The following EXT1 variants were observed in gnomAD, a reference collection of about 807,000 sequenced individuals.
EXT1 encodes the protein exostosin-1.
A neutral mutation model predicts 82.5 loss-of-function variants in EXT1; 20 were observed. The observed-to-expected ratio is 0.24, with a 90% CI of 0.17 to 0.35. The LOEUF (loss-of-function observed/expected upper bound fraction) is 0.35, where lower values mean the gene tolerates loss of function less well. EXT1 is among the 10% of genes least tolerant of loss of function. The pLI is 1.00. For missense variants in EXT1, 757 were observed against 936.5 expected (o/e 0.81, Z 2.50); for synonymous variants, 348 against 350.8 (o/e 0.99, Z 0.09).
In EXT1 at chr8:117,822,520, T is replaced by C. The variant is rs988314054; in HGVS notation, c.1362A>G (p.Val454=). The C allele has an allele frequency of 1.9e-6, 3 of 1,613,488 alleles. No homozygotes were observed. The highest frequency in any genetic ancestry group is 2.5e-6 in the Non-Finnish European group (3 of 1,179,684). Residue 454 remains valine, a synonymous_variant, in exon 5 of 11, where the codon GTA becomes GTG. Coordinates refer to ENST00000378204, the MANE Select transcript of EXT1 (RefSeq NM_000127.3). ...CCAGATAAGATGAATACTGTGGTAGTACGAACAATCCTCCAGGATGTTTGT... is the reference window on the plus strand; with the variant it reads ...CCAGATAAGATGAATACTGTGGTAGCACGAACAATCCTCCAGGATGTTTGT... The part of the protein sequence containing the change: ...IWNKHPGGLF[V]LPQYSSYLGD...
chr8:117,844,198 G>A (rs1007517074), intron 1 of EXT1, among the ~76,000 whole-genome samples: 2 of 143,844 alleles, frequency 1.4e-5, no homozygotes, highest in Non-Finnish European at 3.0e-5. Flanking sequence ...TGTCACCCAG[G>A]CTGCAGTGCA....
At chr8:118,051,392 A>G (rs943327334) in intron 1 of EXT1, among the ~76,000 whole-genome samples, 80 of 152,210 alleles carry the variant, frequency 5.3e-4, no homozygotes, top group African/African-American at 1.9e-3. Context: ...ATATTAGCAT[A>G]TGATTTTGAA....
At chr8:117,855,617 C>T (rs926571958) in intron 1 of EXT1, among the ~76,000 whole-genome samples, 6 of 152,168 alleles carry the variant, frequency 3.9e-5, no homozygotes, top group African/African-American at 1.4e-4. Flanking sequence ...CAATTAATAA[C>T]CCTACAATGG....
intron 8 of EXT1, among the ~76,000 whole-genome samples, chr8:117,808,491 A>C (rs148599953): frequency 1.3e-5 from 2 of 152,216 alleles, no homozygotes; most frequent in East Asian, 3.9e-4. Flanking sequence ...CTTTATCAAA[A>C]CTTCTCTTTT....
intron 1 of EXT1, among the ~76,000 whole-genome samples, chr8:118,063,059 G>A (rs181046511): frequency 7.4e-4 from 113 of 152,196 alleles, no homozygotes; most frequent in African/African-American, 2.6e-3. Context: ...CAAACTTTTT[G>A]ACAGATGATG....
intron 1 of EXT1, among the ~76,000 whole-genome samples, chr8:117,875,176 G>T (rs535130497): frequency 1.3e-5 from 2 of 152,168 alleles, no homozygotes; most frequent in East Asian, 3.9e-4. Flanking sequence ...CAGCACTTTG[G>T]GGGGCCAAGG....
At chr8:118,102,091 A>G (rs1363032108) in intron 1 of EXT1, among the ~76,000 whole-genome samples, 4 of 151,980 alleles carry the variant, frequency 2.6e-5, no homozygotes, top group Non-Finnish European at 5.9e-5. Flanking sequence ...ATACAGCAAA[A>G]CCCCATCTCT....
At chr8:118,086,220 T>G (rs934034325) in intron 1 of EXT1, among the ~76,000 whole-genome samples, 2 of 152,248 alleles carry the variant, frequency 1.3e-5, no homozygotes, top group Non-Finnish European at 2.9e-5. Flanking sequence ...GTTATATTTA[T>G]TGACTGCCTA....
chr8:117,840,052 A>T (rs148656896), intron 1 of EXT1, among the ~76,000 whole-genome samples: 1 of 152,342 alleles, frequency 6.6e-6, no homozygotes, highest in Non-Finnish European at 1.5e-5. Context: ...CCAGCAAAAC[A>T]GCAATTTAGT....
At chr8:117,912,957 C>T (rs965986731) in intron 1 of EXT1, among the ~76,000 whole-genome samples, 2 of 152,180 alleles carry the variant, frequency 1.3e-5, no homozygotes, top group Non-Finnish European at 2.9e-5. Context: ...CGCACAGTGG[C>T]TCATGCCTAT....
chr8:117,933,813 A>G (rs1814106767), intron 1 of EXT1, among the ~76,000 whole-genome samples: 1 of 152,140 alleles, frequency 6.6e-6, no homozygotes, highest in Admixed American at 6.5e-5. Flanking sequence ...CCTTACTCTG[A>G]ATGCTTCACA....
intron 1 of EXT1, among the ~76,000 whole-genome samples, chr8:118,008,256 C>CTTTTTTT (rs527887350): frequency 4.8e-4 from 72 of 151,446 alleles, no homozygotes; most frequent in African/African-American, 1.3e-3. Context: ...GCATATTATA[C>CTTTTTTT]TTTTTTTTGT....
At chr8:118,060,063 C>T (rs903169319) in intron 1 of EXT1, among the ~76,000 whole-genome samples, 5 of 152,226 alleles carry the variant, frequency 3.3e-5, no homozygotes, top group African/African-American at 1.2e-4. Flanking sequence ...TCACAAATCA[C>T]TTGCTACCAC....
rs573621760 is a variant in EXT1 at position 118,045,512 on chromosome 8, C to T, written c.962+64573G>A. Among the ~76,000 whole-genome samples the T allele has an allele frequency of 1.8e-3, 278 of 152,280 alleles. 1 individual carries two copies. The highest frequency in any genetic ancestry group is 6.4e-3 in the African/African-American group (264 of 41,552). ...ATCTGGGGCATGTGCGTATTAACAA[C>T]ATAGAATGTGGCACTGCATTGCTTG... On this transcript the variant is annotated intron_variant, in intron 1 of 10. Transcript: ENST00000378204.
intron 1 of EXT1, among the ~76,000 whole-genome samples, chr8:117,931,156 C>T (rs2514719): frequency 0.75 from 114,649 of 152,082 alleles, 43,958 homozygotes; most frequent in Middle Eastern, 0.88. Flanking sequence ...TCGGGGCTGC[C>T]CTGCCTTTGG....
At chr8:117,928,298 T>C (rs1462985) in intron 1 of EXT1, among the ~76,000 whole-genome samples, 114,773 of 152,156 alleles carry the variant, frequency 0.75, 44,057 homozygotes, top group Middle Eastern at 0.88. Flanking sequence ...TGAACTAGGG[T>C]GGGAGTCTGT....
chr8:117,883,208 T>C (rs1813091567), intron 1 of EXT1, among the ~76,000 whole-genome samples: 1 of 152,188 alleles, frequency 6.6e-6, no homozygotes, highest in Non-Finnish European at 1.5e-5. Context: ...CACCAATAAA[T>C]AAGAGGGTTC....
chr8:118,054,421 G>A (rs934929074), intron 1 of EXT1, among the ~76,000 whole-genome samples: 2 of 152,154 alleles, frequency 1.3e-5, no homozygotes, highest in Admixed American at 1.3e-4. Flanking sequence ...TTTTGCCTGA[G>A]AAGGCCAGTC....
chr8:118,066,216 C>T (rs764630262), intron 1 of EXT1, among the ~76,000 whole-genome samples: 15 of 152,152 alleles, frequency 9.9e-5, no homozygotes, highest in Admixed American at 4.6e-4. Context: ...CTCAGCCCTA[C>T]TCAACATGAA....
Sources: gnomAD v4.1 joint callset for allele counts (sites outside exome capture counted in the v4.1 genomes callset) on GRCh38, gnomAD v4.1.1 for gene constraint, MANE v1.5 for transcripts, NCBI Gene and HGNC (gene_info 2026-07-23, HGNC 2026-07-21) for gene names.